Variants in FAM114A1 observed in about 807,000 individuals in gnomAD.
The protein encoded by FAM114A1 is family with sequence similarity 114 member A1, also known as protein NOXP20.
Under a neutral mutation model 64.3 loss-of-function variants are expected in FAM114A1, and 62 were observed. That is an observed-to-expected ratio of 0.96 (90% confidence interval 0.79 to 1.19). The LOEUF (loss-of-function observed/expected upper bound fraction) is 1.19, where lower values mean the gene tolerates loss of function less well. Among genes scored for constraint, FAM114A1 ranks in the 50% most tolerant of loss-of-function variants. FAM114A1 has a pLI of 0.00. For missense variants in FAM114A1, 645 were observed against 676.3 expected, an observed-to-expected ratio of 0.95 and a Z score of 0.51; for synonymous variants, 254 against 251.1, an observed-to-expected ratio of 1.01 and a Z score of -0.11.
intron 2 of FAM114A1, among the ~76,000 whole-genome samples, chr4:38,876,169 C>CTTTTTTTTTTTTTTTT (rs1163508013): frequency 1.4e-5 from 1 of 69,080 alleles, no homozygotes; most frequent in Non-Finnish European, 2.9e-5. Context: ...ATTCTTTTTT[C>CTTTTTTTTTTTTTTTT]TTTTTTTTTT....
At chr4:38,884,380 G>A (rs1715591532) in intron 3 of FAM114A1, among the ~76,000 whole-genome samples, 1 of 152,226 alleles carries the variant, frequency 6.6e-6, no homozygotes, top group South Asian at 2.1e-4. Flanking sequence ...GTGATTCAGA[G>A]GCTATCAGCA....
intron 9 of FAM114A1, among the ~76,000 whole-genome samples, chr4:38,927,929 A>G (rs1377235338): frequency 6.6e-6 from 1 of 151,940 alleles, no homozygotes; most frequent in Non-Finnish European, 1.5e-5. Flanking sequence ...TGATCCACCC[A>G]TCTCGGCCTC....
chr4:38,936,754 T>C (rs1721144391), intron 13 of FAM114A1, among the ~76,000 whole-genome samples: 1 of 151,934 alleles, frequency 6.6e-6, no homozygotes, highest in South Asian at 2.1e-4. Flanking sequence ...GGTTTCACCA[T>C]GTTGGCCAGG....
intron 10 of FAM114A1, among the ~76,000 whole-genome samples, 161 bp downstream of exon 10, chr4:38,929,494 AG>A (rs1327789240): frequency 6.6e-6 from 1 of 152,138 alleles, no homozygotes; most frequent in Non-Finnish European, 1.5e-5. Flanking sequence ...AGATTTGAGG[AG>A]GGGCTGGGCA....
chr4:38,929,229 G>A lies in FAM114A1; in HGVS notation c.1070-13G>A, dbSNP rs1385120684. ...AAATAAATCACGCTTCTTCTGTCGTGTTCTATTTCTAGGCTTAGAAGAAAA... is the reference window on the plus strand; with the variant it reads ...AAATAAATCACGCTTCTTCTGTCGTATTCTATTTCTAGGCTTAGAAGAAAA... On this transcript the variant is annotated splice_polypyrimidine_tract_variant and intron_variant, in intron 9 of 14. Coordinates refer to ENST00000358869, the MANE Select transcript of FAM114A1 (RefSeq NM_138389.4). 4.4e-6 allele frequency: 7 copies of A among 1,595,650 alleles called. No individual in the cohort carries two copies. The African/African-American group carries it at 8.0e-5, about 18-fold the overall frequency.
rs757500310 is a variant in FAM114A1 at position 38,935,783 on chromosome 4, C to T, written c.1529C>T (p.Thr510Ile). The T allele has an allele frequency of 6.2e-7, 1 of 1,608,520 alleles. No individual in the cohort carries two copies. Among genetic ancestry groups the T allele is most frequent in the East Asian group, 2.2e-5 (1 of 44,814 alleles). ...AAGAAGTTTACGAATTCTTTAACCA[C>T]TGTTGGGGTAAGATTACAGTCTTGA... is the stretch of plus-strand genomic sequence containing the variant. ...LSKKFTNSLT[T>I]VGSNKKAEVL... Residue 510 changes from threonine to isoleucine, a missense_variant, in exon 13 of 15, where the codon ACT (threonine) becomes ATT (isoleucine). By Grantham distance (89) the Thr-to-Ile change is moderately conservative. Coordinates refer to ENST00000358869, the MANE Select transcript of FAM114A1 (RefSeq NM_138389.4).
chr4:38,912,049 C>T (rs1018153805), intron 7 of FAM114A1, among the ~76,000 whole-genome samples: 1 of 151,556 alleles, frequency 6.6e-6, no homozygotes, highest in Non-Finnish European at 1.5e-5. Flanking sequence ...TTAGTAGAGA[C>T]GGGGTTTCAC....
intron 7 of FAM114A1, among the ~76,000 whole-genome samples, chr4:38,914,248 T>C (rs1413406205): frequency 1.3e-5 from 2 of 151,768 alleles, no homozygotes; most frequent in Admixed American, 1.3e-4. Flanking sequence ...TCGCTCATTA[T>C]AGAAAATTTG....
intron 10 of FAM114A1, among the ~76,000 whole-genome samples, chr4:38,930,004 C>T (rs1233020157): frequency 6.6e-6 from 1 of 152,112 alleles, no homozygotes; most frequent in Non-Finnish European, 1.5e-5. Flanking sequence ...GGTGCAGAAT[C>T]ACCAAGAGGC....
chr4:38,880,968 T>G (rs1715209141), intron 3 of FAM114A1, among the ~76,000 whole-genome samples: 1 of 152,128 alleles, frequency 6.6e-6, no homozygotes, highest in Non-Finnish European at 1.5e-5. Flanking sequence ...GTGGATCACT[T>G]GAGGTCAGGA....
In FAM114A1 at chr4:38,869,241, A is replaced by G. The variant is rs11938406; in HGVS notation, c.-9+695A>G. 4.4e-3 allele frequency among the ~76,000 whole-genome samples: 670 copies of G among 152,358 alleles called. 8 individuals carry two copies. The highest frequency in any genetic ancestry group is 0.015 in the African/African-American group (633 of 41,590). On this transcript the variant is annotated intron_variant, in intron 2 of 14. Transcript: ENST00000358869. Reference sequence around the variant, plus strand: ...AATCTGTGCAAAGTGCCAAAAACATAGAAGAGGTAGCAGTTATTTCATTGG... The same window carrying G: ...AATCTGTGCAAAGTGCCAAAAACATGGAAGAGGTAGCAGTTATTTCATTGG...
intron 7 of FAM114A1, among the ~76,000 whole-genome samples, chr4:38,913,629 A>C (rs1055058091): frequency 6.6e-6 from 1 of 151,834 alleles, no homozygotes. Flanking sequence ...ACCTCAAGTG[A>C]TCTGCCCATC....
At chr4:38,927,054 T>C (rs78950885) in intron 9 of FAM114A1, among the ~76,000 whole-genome samples, 29,953 of 152,138 alleles carry the variant, frequency 0.2, 3,159 homozygotes, top group Middle Eastern at 0.3. Context: ...CACGCTGACG[T>C]CCTTGCTGCT....
At chr4:38,879,835 A>ACTTCAG (rs1715030547) in intron 3 of FAM114A1, among the ~76,000 whole-genome samples, 4 of 152,138 alleles carry the variant, frequency 2.6e-5, no homozygotes, top group African/African-American at 9.7e-5. Context: ...CTTCAGCTGA[A>ACTTCAG]TGTTACCAAC....
intron 4 of FAM114A1, among the ~76,000 whole-genome samples, chr4:38,905,282 C>A: frequency 6.6e-6 from 1 of 151,944 alleles, no homozygotes; most frequent in East Asian, 1.9e-4. Flanking sequence ...ATCTGTAATC[C>A]CAGCTGCTAG....
chr4:38,943,832 A>T lies in FAM114A1; in HGVS notation c.*275A>T. On this transcript the variant is annotated 3_prime_UTR_variant, in exon 15 of 15. Coordinates refer to ENST00000358869, the MANE Select transcript of FAM114A1 (RefSeq NM_138389.4). The stretch of plus-strand genomic sequence containing the variant: ...ATTTCCTTTCATCTGAAATTTATTT[A>T]CAAATATTCGTGTTCATTTTCCTGG... 3.3e-6 allele frequency: 1 copy of T among 307,038 alleles called. No individual in the cohort carries two copies. Among genetic ancestry groups the T allele is most frequent in the Non-Finnish European group, 6.2e-6 (1 of 160,134 alleles). The allele number at this position is 307,038 out of a possible 1,614,324, so 19.0% of individuals were successfully genotyped here.
intron 2 of FAM114A1, among the ~76,000 whole-genome samples, chr4:38,871,054 G>A (rs1714015934): frequency 6.6e-6 from 1 of 150,610 alleles, no homozygotes; most frequent in Non-Finnish European, 1.5e-5. Context: ...TTGAATTAGA[G>A]CTGATCTTGC....
At chr4:38,941,126 C>A in intron 14 of FAM114A1, 105 bp downstream of exon 14, 1 of 1,000,406 alleles carries the variant, frequency 1.0e-6, no homozygotes, top group Non-Finnish European at 1.5e-6. Flanking sequence ...TATTGCAATT[C>A]TGAATCTCAT....
intron 9 of FAM114A1, among the ~76,000 whole-genome samples, chr4:38,925,360 G>A (rs766770802): frequency 2.0e-5 from 3 of 152,124 alleles, no homozygotes; most frequent in African/African-American, 2.4e-5. Context: ...TCCAATTATC[G>A]AGTGTCACAA....
Sources: gnomAD v4.1 joint callset for allele counts (sites outside exome capture counted in the v4.1 genomes callset) on GRCh38, gnomAD v4.1.1 for gene constraint, MANE v1.5 for transcripts, NCBI Gene and HGNC (gene_info 2026-07-23, HGNC 2026-07-21) for gene names.